UTRN: variants seen among roughly 807,000 people sequenced by gnomAD.
UTRN encodes the protein dystrophin-related protein 1.
UTRN carries 283 observed loss-of-function variants against 463.9 expected under a neutral mutation model. The observed-to-expected ratio is 0.61, with a 90% CI of 0.55 to 0.67. The LOEUF (loss-of-function observed/expected upper bound fraction) is 0.67. Among genes scored for constraint, UTRN ranks in the 30% least tolerant of loss-of-function variants. The pLI, the probability that UTRN is intolerant of heterozygous loss-of-function variation, is 0.00. For synonymous variants in UTRN, 1,442 were observed against 1,431.5 expected, an observed-to-expected ratio of 1.01 and a Z score of -0.17; for missense variants, 3,922 against 4,084.3, an observed-to-expected ratio of 0.96 and a Z score of 1.08.
chr6:144,314,772 G>C (rs965096796), intron 2 of UTRN, among the ~76,000 whole-genome samples: 1 of 152,056 alleles, frequency 6.6e-6, no homozygotes, highest in East Asian at 1.9e-4. Context: ...CTGCCAAATG[G>C]GTTATGGAAA....
intron 2 of UTRN, among the ~76,000 whole-genome samples, chr6:144,302,072 G>C (rs2473148): frequency 0.18 from 26,849 of 152,104 alleles, 3,724 homozygotes; most frequent in African/African-American, 0.39. Context: ...TGTGCTATCT[G>C]CATGCCAGAA....
At chr6:144,368,541 G>A (rs1473336230) in intron 2 of UTRN, among the ~76,000 whole-genome samples, 1 of 152,132 alleles carries the variant, frequency 6.6e-6, no homozygotes, top group African/African-American at 2.4e-5. Flanking sequence ...GGAGGCCGAG[G>A]TAGGCGGATT....
chr6:144,730,077 T>C (rs1788354221), intron 53 of UTRN, among the ~76,000 whole-genome samples: 1 of 152,270 alleles, frequency 6.6e-6, no homozygotes, highest in South Asian at 2.1e-4. Context: ...AAAGTACATT[T>C]TGTGTAAATT....
chr6:144,625,756 T>C (rs1390723113), intron 51 of UTRN, among the ~76,000 whole-genome samples: 1 of 152,236 alleles, frequency 6.6e-6, no homozygotes, highest in African/African-American at 2.4e-5. Flanking sequence ...ACCACAGAAG[T>C]AAACCTAAAG....
At chr6:144,820,807 C>G in intron 65 of UTRN, 75 bp from the exon 66 acceptor site, 1 of 1,506,136 alleles carries the variant, frequency 6.6e-7, no homozygotes, top group Non-Finnish European at 8.9e-7. Context: ...CAATTTACAT[C>G]GGCTCTGATT....
intron 50 of UTRN, among the ~76,000 whole-genome samples, chr6:144,561,248 T>TACAC (rs1562575899): frequency 1.5e-5 from 1 of 65,534 alleles, no homozygotes; most frequent in African/African-American, 5.8e-5. Flanking sequence ...TATATATATA[T>TACAC]ATATATATAT....
intron 53 of UTRN, among the ~76,000 whole-genome samples, chr6:144,723,530 A>G (rs1271544537): frequency 6.6e-6 from 1 of 152,176 alleles, no homozygotes; most frequent in Non-Finnish European, 1.5e-5. Context: ...TCACAATTTA[A>G]TGGAGGGGAC....
chr6:144,321,169 G>A (rs1584270665), intron 2 of UTRN, among the ~76,000 whole-genome samples: 1 of 152,082 alleles, frequency 6.6e-6, no homozygotes, highest in East Asian at 1.9e-4. Context: ...GGTTTTTCAT[G>A]TTTTCTATGC....
Position 144,523,090 on chromosome 6 carries a change from T to C in UTRN, c.5808T>C (p.Leu1936=). 1 of 1,613,558 alleles carries C rather than the reference T, an allele frequency of 6.2e-7. No homozygotes were observed. Among genetic ancestry groups the C allele is most frequent in the Non-Finnish European group, 8.5e-7 (1 of 1,179,730 alleles). The change falls in exon 41 of 75, where the codon CTT becomes CTC. Residue 1936 remains leucine (L), a synonymous_variant. Coordinates refer to ENST00000367545, the MANE Select transcript of UTRN (RefSeq NM_007124.3). Reference sequence around the variant, plus strand: ...ATGAAAAACAGCCAGATGTCATCCTTGAAGCCTCTGGACCTGAAGCCATTC... The same window carrying C: ...ATGAAAAACAGCCAGATGTCATCCTCGAAGCCTCTGGACCTGAAGCCATTC... ...VIHEKQPDVI[L]EASGPEAIQI...
At chr6:144,646,322 T>C (rs1324114130) in intron 51 of UTRN, among the ~76,000 whole-genome samples, 1 of 152,192 alleles carries the variant, frequency 6.6e-6, no homozygotes, top group Non-Finnish European at 1.5e-5. Flanking sequence ...CATTATTTAA[T>C]TTAAAATGTG....
chr6:144,543,019 T>C (rs1193317541), intron 46 of UTRN, 149 bp downstream of exon 46: 22 of 722,664 alleles, frequency 3.0e-5, no homozygotes, highest in Non-Finnish European at 4.4e-5. Flanking sequence ...AAAGAACATC[T>C]TCTTTAAACC....
intron 61 of UTRN, among the ~76,000 whole-genome samples, chr6:144,786,376 C>T (rs11753714): frequency 0.11 from 16,746 of 152,140 alleles, 1,628 homozygotes; most frequent in Admixed American, 0.32. Context: ...ACCTCTGACT[C>T]CCTGGTTCAA....
chr6:144,344,042 G>A, intron 2 of UTRN: 1 of 750,332 alleles, frequency 1.3e-6, no homozygotes, highest in Non-Finnish European at 1.8e-6. Flanking sequence ...TTTAGAGGAG[G>A]TGGGGTTAGG....
intron 2 of UTRN, among the ~76,000 whole-genome samples, chr6:144,380,908 C>A (rs996182199): frequency 3.3e-5 from 5 of 152,176 alleles, no homozygotes; most frequent in Admixed American, 3.3e-4. Flanking sequence ...TGTCAAGACA[C>A]CCTGCTTTAT....
chr6:144,814,017 C>A (rs1055222024), intron 65 of UTRN, among the ~76,000 whole-genome samples: 7 of 152,138 alleles, frequency 4.6e-5, no homozygotes, highest in Non-Finnish European at 1.0e-4. Flanking sequence ...ACTGTTCCTA[C>A]GTGCTGGTAG....
At chr6:144,827,779 T>C (rs747023123) in intron 68 of UTRN, 103 bp downstream of exon 68, 6 of 1,352,422 alleles carry the variant, frequency 4.4e-6, no homozygotes, top group African/African-American at 1.5e-5. Context: ...AGAAATGCAG[T>C]TTTGCAGGAG....
chr6:144,518,206 C>T (rs1795794285), intron 39 of UTRN, among the ~76,000 whole-genome samples: 1 of 152,210 alleles, frequency 6.6e-6, no homozygotes, highest in South Asian at 2.1e-4. Context: ...TGTTTTTTCT[C>T]ACTCTAGCAT....
intron 53 of UTRN, among the ~76,000 whole-genome samples, chr6:144,709,055 A>G (rs550142386): frequency 3.3e-5 from 5 of 152,158 alleles, no homozygotes; most frequent in African/African-American, 1.2e-4. Context: ...TCATGACCTA[A>G]TCACCGCTTA....
chr6:144,478,787 G>A (rs1357801794), intron 25 of UTRN, among the ~76,000 whole-genome samples: 2 of 152,324 alleles, frequency 1.3e-5, no homozygotes, highest in South Asian at 4.1e-4. Flanking sequence ...GTAGAGGTTG[G>A]ACTGTGACTG....
Sources: gnomAD v4.1 joint callset for allele counts (sites outside exome capture counted in the v4.1 genomes callset) on GRCh38, gnomAD v4.1.1 for gene constraint, MANE v1.5 for transcripts, NCBI Gene and HGNC (gene_info 2026-07-23, HGNC 2026-07-21) for gene names.